Variants in NRG1 observed in about 807,000 individuals in gnomAD.
NRG1 encodes neuregulin 1.
NRG1 carries 18 observed loss-of-function variants against 63.8 expected under a neutral mutation model. The ratio of observed to expected loss-of-function variants is 0.28; its 90% CI spans 0.19 to 0.42. The LOEUF (loss-of-function observed/expected upper bound fraction) is 0.42, where lower values mean the gene tolerates loss of function less well. Ranked by LOEUF, NRG1 falls within the 10% of genes least tolerant of loss-of-function variation. NRG1 has a pLI of 1.00. For missense variants in NRG1, 762 were observed against 814.7 expected, an observed-to-expected ratio of 0.94 and a Z score of 0.79; for synonymous variants, 302 against 301.3, an observed-to-expected ratio of 1.00 and a Z score of -0.02.
At chr8:32,045,315 A>C (rs1252597347) in intron 1 of NRG1, among the ~76,000 whole-genome samples, 1 of 151,934 alleles carries the variant, frequency 6.6e-6, no homozygotes, top group African/African-American at 2.4e-5. Context: ...ACAAACCCTC[A>C]TGAAAAAATC....
intron 5 of NRG1, among the ~76,000 whole-genome samples, chr8:32,629,090 G>T (rs1022013948): frequency 6.6e-6 from 1 of 152,092 alleles, no homozygotes; most frequent in South Asian, 2.1e-4. Context: ...GGTAAATAGT[G>T]CACATAACTC....
In NRG1 at chr8:32,693,226, T is replaced by G. The variant is rs542404126; in HGVS notation, c.503-34723T>G. 8.6e-5 allele frequency among the ~76,000 whole-genome samples: 13 copies of G among 151,464 alleles called. 1 individual carries two copies. In the South Asian group the frequency reaches 2.7e-3, roughly 32 times the overall value. On this transcript the variant is annotated intron_variant, in intron 5 of 11. Coordinates refer to ENST00000356819, the Ensembl canonical transcript of NRG1. The stretch of plus-strand genomic sequence containing the variant: ...TCTATGGGTCACTCTTTTTTTTTTT[T>G]TTTTTCTTTTGAGACAGAGTCTCGC...
intron 1 of NRG1, chr8:31,639,498 A>G: frequency 6.5e-7 from 1 of 1,527,334 alleles, no homozygotes; most frequent in South Asian, 1.2e-5. Flanking sequence ...CCAGGCACGC[A>G]ACTCCGCCTC....
Position 31,640,842 on chromosome 8 carries a change from A to T in NRG1, c.37+1411A>T. 1 of 1,404,520 alleles carries T rather than the reference A, an allele frequency of 7.1e-7. No individual in the cohort carries two copies. Among genetic ancestry groups the T allele is most frequent in the South Asian group, 1.6e-5 (1 of 62,960 alleles). 87.0% of individuals were successfully genotyped at this position (1,404,520 alleles called of 1,614,324 possible). On this transcript the variant is annotated intron_variant, in intron 1 of 10. Coordinates refer to the NRG1 transcript ENST00000519301. This position sits in a 1 kb window ranked among gnomAD's most constrained non-coding sequence, Gnocchi z 6.3. The stretch of plus-strand genomic sequence containing the variant: ...GCAAGGCAGAGGCGCTCTGGGTCCC[A>T]GTTGTTGGTTTCAGGGTGGTGGGTT...
At chr8:31,890,078 G>T (rs1831030657) in intron 1 of NRG1, among the ~76,000 whole-genome samples, 2 of 152,272 alleles carry the variant, frequency 1.3e-5, no homozygotes, top group African/African-American at 4.8e-5. Flanking sequence ...ATGTTAAGTA[G>T]CATGCCTGGT....
chr8:31,640,752 C>A lies in NRG1; in HGVS notation c.37+1321C>A. ...GCGGTAAGTTCCTCGCCCTTGGGGG[C>A]GCGAACCCGCGGCGAGGAGGGCGCA... is the stretch of plus-strand genomic sequence containing the variant. On this transcript the variant is annotated intron_variant, in intron 1 of 10. Coordinates refer to the NRG1 transcript ENST00000519301. This position sits in a 1 kb window ranked among gnomAD's most constrained non-coding sequence, Gnocchi z 6.3. 1.3e-6 allele frequency: 2 copies of A among 1,486,968 alleles called. No homozygotes were observed. Among genetic ancestry groups the A allele is most frequent in the South Asian group, 1.3e-5 (1 of 74,546 alleles). 92.1% of individuals were successfully genotyped at this position (1,486,968 alleles called of 1,614,324 possible).
At chr8:32,769,095 A>T (rs1030049316), downstream of NRG1, among the ~76,000 whole-genome samples, 2 of 152,204 alleles carry the variant, frequency 1.3e-5, no homozygotes, top group African/African-American at 4.8e-5. Context: ...AAAAGCCACC[A>T]CACTCTTTCA....
At chr8:32,751,175 A>G (rs554040664) in intron 7 of NRG1, 2 of 152,364 alleles carry the variant, frequency 1.3e-5, no homozygotes, top group East Asian at 3.9e-4. Flanking sequence ...CAGTTTCCAG[A>G]GGCTCATAGT....
intron 1 of NRG1, among the ~76,000 whole-genome samples, chr8:31,910,967 T>C (rs1429039857): frequency 6.6e-6 from 1 of 151,996 alleles, no homozygotes; most frequent in Admixed American, 6.6e-5. Context: ...TTTCAAGGAG[T>C]GTGAAGTACT....
chr8:32,183,592 A>G (rs1169035880), intron 1 of NRG1, among the ~76,000 whole-genome samples: 1 of 152,164 alleles, frequency 6.6e-6, no homozygotes, highest in Non-Finnish European at 1.5e-5. Flanking sequence ...AAATTTTCTG[A>G]TTTAACATTC....
intron 1 of NRG1, among the ~76,000 whole-genome samples, chr8:32,204,560 A>G (rs572239178): frequency 6.6e-6 from 1 of 152,332 alleles, no homozygotes; most frequent in East Asian, 1.9e-4. Flanking sequence ...TCATTTGCAA[A>G]GTGGGGATAG....
intron 1 of NRG1, among the ~76,000 whole-genome samples, chr8:32,063,820 A>G (rs766352791): frequency 2.6e-5 from 4 of 152,274 alleles, no homozygotes; most frequent in African/African-American, 4.8e-5. Context: ...ATTAACTTAT[A>G]TAAAGTTTTT....
chr8:32,693,057 G>A (rs1396391126), intron 5 of NRG1, among the ~76,000 whole-genome samples: 1 of 152,126 alleles, frequency 6.6e-6, no homozygotes, highest in African/African-American at 2.4e-5. Context: ...GGACAACGAA[G>A]AAGTCACTTA....
chr8:32,742,614 A>T lies in NRG1; in HGVS notation c.633-61A>T. Reference sequence around the variant, plus strand: ...CACTGAAGGAGCTTCTTTCTAGCATATATTCACCTCTTCTCTTTTTCTCTG... The same window carrying T: ...CACTGAAGGAGCTTCTTTCTAGCATTTATTCACCTCTTCTCTTTTTCTCTG... On this transcript the variant is annotated intron_variant, in intron 6 of 11. Coordinates refer to ENST00000356819, the Ensembl canonical transcript of NRG1. The surrounding 1 kb of genome is among the most constrained non-coding windows in gnomAD (Gnocchi z 4.2). 3 of 1,319,290 alleles carry T rather than the reference A, an allele frequency of 2.3e-6. No homozygotes were observed. The highest frequency in any genetic ancestry group is 3.3e-6 in the Non-Finnish European group (3 of 916,762). 81.7% of individuals were successfully genotyped at this position (1,319,290 alleles called of 1,614,324 possible). A position where few individuals can be genotyped will look rare whatever the true frequency, so the allele number is the denominator to read the frequency against.
intron 1 of NRG1, among the ~76,000 whole-genome samples, chr8:32,291,594 A>G (rs1854211078): frequency 7.6e-6 from 1 of 131,008 alleles, no homozygotes; most frequent in Admixed American, 9.3e-5. Flanking sequence ...GCTGGAGTGC[A>G]GTGGCAAGAT....
chr8:32,095,034 C>T (rs550920483), intron 1 of NRG1, among the ~76,000 whole-genome samples: 11 of 151,974 alleles, frequency 7.2e-5, no homozygotes, highest in Non-Finnish European at 4.4e-5. Flanking sequence ...GCCTTAGCCT[C>T]CCAAGTAGCT....
At chr8:32,119,860 T>G (rs927239928) in intron 1 of NRG1, among the ~76,000 whole-genome samples, 2 of 152,150 alleles carry the variant, frequency 1.3e-5, no homozygotes, top group Admixed American at 6.6e-5. Flanking sequence ...TCTGCTGTGT[T>G]TGATCCATTT....
intron 1 of NRG1, among the ~76,000 whole-genome samples, chr8:32,528,736 G>A (rs1831143269): frequency 1.3e-5 from 2 of 152,022 alleles, no homozygotes; most frequent in South Asian, 4.2e-4. Context: ...AACAACATAT[G>A]GTTCTTCTCA....
Position 31,775,882 on chromosome 8 carries a change from CAAAAAAAAAAAAA to C in NRG1, c.37+136467_37+136479del, listed in dbSNP as rs71208140. ...TGGGCGACAGAGCAAGACTCCGTCTCAAAAAAAAAAAAAAAAAAAAAAAAAAAATTCATACTTT... is the reference window on the plus strand; with the variant it reads ...TGGGCGACAGAGCAAGACTCCGTCTCAAAAAAAAAAAAAAATTCATACTTT... On this transcript the variant is annotated intron_variant, in intron 1 of 10. Transcript: ENST00000519301. 1.9e-3 allele frequency among the ~76,000 whole-genome samples: 136 copies of C among 72,206 alleles called. 1 individual carries two copies. The highest frequency in any genetic ancestry group is 7.6e-3 in the African/African-American group (118 of 15,564). The allele number at this position is 72,206 out of a possible 152,430, so 47.4% of individuals were successfully genotyped here.
Sources: allele counts gnomAD v4.1 joint callset (sites outside exome capture counted in the v4.1 genomes callset), GRCh38; gene constraint gnomAD v4.1.1; non-coding constraint Gnocchi (gnomAD v3.1); transcripts MANE v1.5; gene names NCBI Gene and HGNC (gene_info 2026-07-23, HGNC 2026-07-21).